Variants in DIAPH2 observed in about 807,000 individuals in gnomAD.
DIAPH2 encodes diaphanous related formin 2, also known as protein diaphanous homolog 2.
In DIAPH2, 35 loss-of-function variants were observed where a neutral mutation model predicts 92.7. The ratio of observed to expected loss-of-function variants is 0.38; its 90% confidence interval spans 0.29 to 0.50. The LOEUF is 0.50. DIAPH2 is among the 20% of genes least tolerant of loss of function. The pLI is 0.94. For missense variants in DIAPH2, 701 were observed against 819.5 expected (o/e 0.86, Z 1.77); for synonymous variants, 301 against 280.4 (o/e 1.07, Z -0.73).
chrX:97,112,789 T>A, intron 20 of DIAPH2, among the ~76,000 whole-genome samples: 1 of 78,531 alleles, frequency 1.3e-5, no homozygotes, highest in African/African-American at 5.1e-5. Flanking sequence ...TTTTTTTTTT[T>A]TTTTTTGAGA....
At chrX:96,829,264 A>AT (rs2064834581) in intron 4 of DIAPH2, among the ~76,000 whole-genome samples, 1 of 111,199 alleles carries the variant, frequency 9.0e-6, no homozygotes, top group African/African-American at 3.3e-5. Context: ...AATCACTAGT[A>AT]TTTTTTAGGC....
intron 22 of DIAPH2, among the ~76,000 whole-genome samples, chrX:97,242,653 A>G (rs1413756652): frequency 3.6e-5 from 4 of 111,270 alleles, no homozygotes; most frequent in Non-Finnish European, 5.7e-5. Flanking sequence ...GGCATGAGCC[A>G]TGGCACCTGG....
rs955888011 is a variant in DIAPH2, at chrX:96,879,879, G to A, written c.448-1700G>A. ...CGAGTTGCTGGGATTACAGGCATGTGCCTCCATGCCAGCTAATTTTTGTAT... is the reference window on the plus strand; with the variant it reads ...CGAGTTGCTGGGATTACAGGCATGTACCTCCATGCCAGCTAATTTTTGTAT... On this transcript the variant is annotated intron_variant, in intron 4 of 26. Coordinates refer to ENST00000324765, the MANE Select transcript of DIAPH2 (RefSeq NM_006729.5). Among the ~76,000 whole-genome samples the A allele has an allele frequency of 3.6e-5, 4 of 110,757 alleles. No individual in the cohort carries two copies. In the Admixed American group the frequency reaches 3.9e-4, roughly 11 times the overall value.
intron 4 of DIAPH2, among the ~76,000 whole-genome samples, chrX:96,778,410 AT>A (rs763778972): frequency 4.6e-5 from 5 of 109,823 alleles, no homozygotes; most frequent in African/African-American, 1.7e-4. Flanking sequence ...CTCTTTTAAA[AT>A]TTTTTTTCTT....
intron 4 of DIAPH2, among the ~76,000 whole-genome samples, chrX:96,855,589 G>A (rs112403207): frequency 9.2e-6 from 1 of 108,627 alleles, no homozygotes; most frequent in Non-Finnish European, 1.9e-5. Context: ...TATAAATATA[G>A]ATATAAATAT....
At chrX:97,589,898 T>A (rs1469893112) in intron 26 of DIAPH2, among the ~76,000 whole-genome samples, 2 of 112,503 alleles carry the variant, frequency 1.8e-5, no homozygotes, top group Non-Finnish European at 3.7e-5. Flanking sequence ...GTTTTAACTG[T>A]GTCCTAATTG....
At chrX:97,440,153 G>A (rs1198616738) in intron 26 of DIAPH2, among the ~76,000 whole-genome samples, 1 of 111,712 alleles carries the variant, frequency 9.0e-6, no homozygotes, top group Non-Finnish European at 1.9e-5. Flanking sequence ...CCCACGTCCA[G>A]TTCCTCTCTG....
At chrX:97,196,843 G>A (rs1322600245) in intron 22 of DIAPH2, among the ~76,000 whole-genome samples, 1 of 105,767 alleles carries the variant, frequency 9.5e-6, no homozygotes, top group African/African-American at 3.5e-5. Context: ...CTGGAGTGCA[G>A]TGGTGTGATT....
chrX:97,348,743 T>C (rs1417866401), intron 24 of DIAPH2, among the ~76,000 whole-genome samples: 1 of 111,573 alleles, frequency 9.0e-6, no homozygotes, highest in Non-Finnish European at 1.9e-5. Context: ...TAAAGTTTCT[T>C]TCACAATGTG....
At chrX:97,292,845 T>A (rs1325160999) in intron 23 of DIAPH2, among the ~76,000 whole-genome samples, 2 of 112,071 alleles carry the variant, frequency 1.8e-5, no homozygotes, top group African/African-American at 6.5e-5. Flanking sequence ...TGTTATAAGT[T>A]GCTTCAAATA....
At chrX:97,063,989 A>T (rs771749440) in intron 17 of DIAPH2, among the ~76,000 whole-genome samples, 1 of 112,178 alleles carries the variant, frequency 8.9e-6, no homozygotes, top group Non-Finnish European at 1.9e-5. Context: ...CAAACATGGT[A>T]TAACTTGCAA....
intron 26 of DIAPH2, among the ~76,000 whole-genome samples, chrX:97,552,153 ATT>A (rs1405305172): frequency 2.7e-5 from 3 of 111,721 alleles, no homozygotes; most frequent in Non-Finnish European, 5.6e-5. Flanking sequence ...AAACTCAATG[ATT>A]TTGAGTATAG....
intron 17 of DIAPH2, among the ~76,000 whole-genome samples, chrX:97,041,463 A>AT (rs1343549044): frequency 9.0e-6 from 1 of 111,021 alleles, no homozygotes; most frequent in Non-Finnish European, 1.9e-5. Flanking sequence ...TCTCTTCCCT[A>AT]TTTTTTGTTT....
At chrX:97,344,627 T>G (rs1162397392) in intron 23 of DIAPH2, among the ~76,000 whole-genome samples, 2 of 111,583 alleles carry the variant, frequency 1.8e-5, no homozygotes, top group Non-Finnish European at 3.8e-5. Context: ...AGTGAAGGAT[T>G]TAGAGATTGG....
At chrX:96,950,021 T>C (rs2065764568) in intron 15 of DIAPH2, among the ~76,000 whole-genome samples, 1 of 111,275 alleles carries the variant, frequency 9.0e-6, no homozygotes, top group Non-Finnish European at 1.9e-5. Context: ...GGGGGCCTTT[T>C]CCTACCCTTA....
intron 16 of DIAPH2, among the ~76,000 whole-genome samples, chrX:96,961,475 T>G (rs2147820451): frequency 9.5e-6 from 1 of 105,565 alleles, no homozygotes; most frequent in Admixed American, 1.0e-4. Flanking sequence ...AAAAAAAACC[T>G]AACTTTTTGT....
intron 17 of DIAPH2, among the ~76,000 whole-genome samples, chrX:97,039,135 G>T (rs998335734): frequency 9.0e-6 from 1 of 111,042 alleles, no homozygotes; most frequent in Non-Finnish European, 1.9e-5. Flanking sequence ...GTGAAAAACT[G>T]TATCTTATTG....
At chrX:97,489,534 T>G (rs2147821162) in intron 26 of DIAPH2, among the ~76,000 whole-genome samples, 1 of 111,300 alleles carries the variant, frequency 9.0e-6, no homozygotes, top group East Asian at 2.8e-4. Flanking sequence ...GAAGAAAAAC[T>G]TTGTGTTTTA....
intron 26 of DIAPH2, among the ~76,000 whole-genome samples, chrX:97,455,523 T>A (rs1478811369): frequency 4.5e-5 from 5 of 112,298 alleles, no homozygotes; most frequent in Non-Finnish European, 7.5e-5. Flanking sequence ...AATATTAAAA[T>A]CAAATCATAA....
Sources: gnomAD v4.1 joint callset for allele counts (sites outside exome capture counted in the v4.1 genomes callset) on GRCh38, gnomAD v4.1.1 for gene constraint, MANE v1.5 for transcripts, NCBI Gene and HGNC (gene_info 2026-07-23, HGNC 2026-07-21) for gene names.